Variants in FOCAD observed in about 807,000 individuals in gnomAD.
FOCAD encodes focadhesin.
Under a neutral mutation model 225.6 loss-of-function variants are expected in FOCAD, and 198 were observed. The observed-to-expected ratio is 0.88, with a 90% CI of 0.78 to 0.99. The LOEUF (loss-of-function observed/expected upper bound fraction) is 0.99, where lower values mean the gene tolerates loss of function less well. Among genes scored for constraint, FOCAD ranks in the 50% least tolerant of loss-of-function variants. The pLI, the probability that FOCAD is intolerant of heterozygous loss-of-function variation, is 0.00. For synonymous variants in FOCAD, 897 were observed against 755.0 expected, an observed-to-expected ratio of 1.19 and a Z score of -3.08; for missense variants, 2,713 against 2,123.6, an observed-to-expected ratio of 1.28 and a Z score of -5.46.
At position 20,959,085 on chromosome 9, in the gene FOCAD, A is replaced by G. The variant is rs188247581; in HGVS notation, c.4132+6020A>G. ...GATTATTAGATCATATTGTAGTTCT[A>G]TTTTTAGTTTTCTGAGGAACCTCCC... On this transcript the variant is annotated intron_variant, in intron 35 of 43. Coordinates refer to ENST00000338382, the MANE Select transcript of FOCAD (RefSeq NM_001375567.1). Among the ~76,000 whole-genome samples the G allele has an allele frequency of 3.7e-4, 57 of 152,206 alleles. 1 individual carries two copies. In the East Asian group the frequency reaches 0.011, roughly 28 times the overall value.
Position 20,937,745 on chromosome 9 carries a change from A to G in FOCAD, c.3407+4642A>G, listed in dbSNP as rs985886739. ...TTGACAAATGGGATCTAATTAAACT[A>G]AAGAGCTTCTGCACAGCAAAAGAAA... On this transcript the variant is annotated intron_variant, in intron 28 of 43. Transcript: ENST00000338382. Among the ~76,000 whole-genome samples, 26 of 151,908 alleles carry G rather than the reference A, an allele frequency of 1.7e-4. No homozygotes were observed. In the Middle Eastern group the frequency reaches 0.017, roughly 100 times the overall value.
At chr9:20,859,572 T>C (rs1828566113) in intron 15 of FOCAD, among the ~76,000 whole-genome samples, 1 of 150,602 alleles carries the variant, frequency 6.6e-6, no homozygotes, top group South Asian at 2.1e-4. Flanking sequence ...TTTATTAATT[T>C]TGGAAATTCT....
At chr9:20,716,778 A>C (rs1825371542) in intron 2 of FOCAD, among the ~76,000 whole-genome samples, 1 of 152,186 alleles carries the variant, frequency 6.6e-6, no homozygotes, top group African/African-American at 2.4e-5. Flanking sequence ...TGATGGCAGC[A>C]GTTGAGATAC....
chr9:20,961,781 C>G (rs1364446173), intron 35 of FOCAD, among the ~76,000 whole-genome samples: 1 of 152,156 alleles, frequency 6.6e-6, no homozygotes, highest in Non-Finnish European at 1.5e-5. Context: ...GACCACGGTC[C>G]TAAACTGCCT....
chr9:20,807,128 T>A (rs1387638417), intron 11 of FOCAD, among the ~76,000 whole-genome samples: 2 of 152,242 alleles, frequency 1.3e-5, no homozygotes, highest in Non-Finnish European at 2.9e-5. Context: ...AGTCAGTGTT[T>A]GATGAAAGTT....
rs75199288 is a variant in FOCAD at position 20,810,634 on chromosome 9, C to T, written c.1456-9162C>T. Among the ~76,000 whole-genome samples the T allele has an allele frequency of 2.2e-3, 334 of 152,070 alleles. 3 individuals carry two copies. The highest frequency in any genetic ancestry group is 0.01 in the Middle Eastern group (3 of 294). ...GTTGATTATATTCCTTTTTTCCCTG[C>T]TGGTAGTTACATATTGGTAATGTAG... On this transcript the variant is annotated intron_variant, in intron 11 of 43. Coordinates refer to ENST00000338382, the MANE Select transcript of FOCAD (RefSeq NM_001375567.1).
At chr9:20,897,594 C>G (rs1000396894) in intron 21 of FOCAD, among the ~76,000 whole-genome samples, 5 of 151,590 alleles carry the variant, frequency 3.3e-5, no homozygotes, top group African/African-American at 1.2e-4. Flanking sequence ...ACAACTATGT[C>G]TACTTGCAAA....
At chr9:20,680,356 G>C (rs1037393434), upstream of FOCAD, among the ~76,000 whole-genome samples, 1 of 152,074 alleles carries the variant, frequency 6.6e-6, no homozygotes, top group African/African-American at 2.4e-5. Context: ...TCAAGAGATA[G>C]AGACCATCCT....
At chr9:20,934,164 G>C (rs903140450) in intron 28 of FOCAD, among the ~76,000 whole-genome samples, 3 of 152,086 alleles carry the variant, frequency 2.0e-5, no homozygotes, top group Non-Finnish European at 2.9e-5. Flanking sequence ...TGGGTTGTCT[G>C]TTTACTCTGC....
At chr9:20,666,002 C>T (rs10964649) in intron 2 of FOCAD, among the ~76,000 whole-genome samples, 4,462 of 152,226 alleles carry the variant, frequency 0.029, 225 homozygotes, top group African/African-American at 0.1. Context: ...TCAAGTGATT[C>T]TCCTGCCTCA....
chr9:20,971,184 C>G (rs1236222229), intron 35 of FOCAD, among the ~76,000 whole-genome samples: 3 of 152,130 alleles, frequency 2.0e-5, no homozygotes, highest in African/African-American at 4.8e-5. Flanking sequence ...AGGACTCTGC[C>G]TTTTCTCCAT....
At chr9:20,665,993 C>T (rs1463578772) in intron 2 of FOCAD, among the ~76,000 whole-genome samples, 1 of 152,092 alleles carries the variant, frequency 6.6e-6, no homozygotes, top group Non-Finnish European at 1.5e-5. Flanking sequence ...CTTCCAGGTT[C>T]AAGTGATTCT....
At chr9:20,699,566 C>A (rs1823667073) in intron 1 of FOCAD, among the ~76,000 whole-genome samples, 1 of 150,014 alleles carries the variant, frequency 6.7e-6, no homozygotes, top group African/African-American at 2.5e-5. Context: ...ACAGTGAAAC[C>A]CTGTCTCTAC....
chr9:20,982,967 C>G (rs531905204), intron 39 of FOCAD, among the ~76,000 whole-genome samples: 2 of 152,214 alleles, frequency 1.3e-5, no homozygotes, highest in Non-Finnish European at 2.9e-5. Flanking sequence ...TGCATACCAA[C>G]TAATACCAAT....
intron 20 of FOCAD, 90 bp from the exon 21 acceptor site, chr9:20,885,019 A>C: frequency 1.4e-6 from 1 of 733,552 alleles, no homozygotes; most frequent in Non-Finnish European, 1.8e-6. Flanking sequence ...AGATTGCACC[A>C]CTGCACTCCA....
At chr9:20,698,985 A>C (rs943622635) in intron 1 of FOCAD, among the ~76,000 whole-genome samples, 1 of 152,244 alleles carries the variant, frequency 6.6e-6, no homozygotes, top group Admixed American at 6.5e-5. Context: ...TCAAATGCTC[A>C]GGAAGTGGTA....
chr9:20,820,356 A>G lies in FOCAD; in HGVS notation c.1593A>G (p.Gln531=), dbSNP rs1824184563. The change falls in exon 13 of 44, where the codon CAA becomes CAG. Residue 531 remains glutamine (Q), a synonymous_variant. Transcript: ENST00000338382. ...TAGGACAAATTCTACGAATAATACA[A>G]CTACTTGGAACCACACCACGACTAA... is the stretch of plus-strand genomic sequence containing the variant. ...VCIGQILRII[Q]LLGTTPRLRA... is the part of the protein sequence containing the mutation. 1.2e-6 allele frequency: 2 copies of G among 1,612,690 alleles called. No homozygotes were observed. The highest frequency in any genetic ancestry group is 2.2e-5 in the South Asian group (2 of 91,012).
chr9:20,855,124 G>GT (rs1171324775), intron 15 of FOCAD, among the ~76,000 whole-genome samples: 1 of 151,456 alleles, frequency 6.6e-6, no homozygotes, highest in African/African-American at 2.4e-5. Flanking sequence ...ATTTAATTGA[G>GT]TTATATGGTA....
Position 20,753,198 on chromosome 9 carries a change from T to G in FOCAD, c.393-4892T>G, listed in dbSNP as rs1828727807. On this transcript the variant is annotated intron_variant, in intron 5 of 43. Coordinates refer to ENST00000338382, the MANE Select transcript of FOCAD (RefSeq NM_001375567.1). ...CTGGCCAGAACTTCCAACACTATGT[T>G]GAATAGGAGTGGTGAGAGAGGGCAT... Among the ~76,000 whole-genome samples the G allele has an allele frequency of 3.3e-5, 5 of 151,998 alleles. No homozygotes were observed. In the South Asian group the frequency reaches 1.0e-3, roughly 32 times the overall value.
Sources: gnomAD v4.1 joint callset for allele counts (sites outside exome capture counted in the v4.1 genomes callset) on GRCh38, gnomAD v4.1.1 for gene constraint, MANE v1.5 for transcripts, NCBI Gene and HGNC (gene_info 2026-07-23, HGNC 2026-07-21) for gene names.